CNTNAP5: variants seen among roughly 807,000 people sequenced by gnomAD.
CNTNAP5 encodes the protein contactin-associated protein-like 5.
CNTNAP5 carries 72 observed loss-of-function variants against 150.2 expected under a neutral mutation model. That is an observed-to-expected ratio of 0.48 (90% CI 0.40 to 0.58). The LOEUF is 0.58. CNTNAP5 is among the 20% of genes least tolerant of loss of function. The pLI is 0.00. For synonymous variants in CNTNAP5, 672 were observed against 619.8 expected, an observed-to-expected ratio of 1.08 and a Z score of -1.25; for missense variants, 1,636 against 1,626.2, an observed-to-expected ratio of 1.01 and a Z score of -0.10.
chr2:124,618,079 G>A (rs939997151), intron 12 of CNTNAP5, among the ~76,000 whole-genome samples: 2 of 152,160 alleles, frequency 1.3e-5, no homozygotes, highest in African/African-American at 4.8e-5. Flanking sequence ...TGACTGAACA[G>A]AAGAGAAAGG....
chr2:124,880,403 T>C (rs1481613639), intron 21 of CNTNAP5, among the ~76,000 whole-genome samples: 1 of 152,150 alleles, frequency 6.6e-6, no homozygotes, highest in Non-Finnish European at 1.5e-5. Flanking sequence ...ATTCTAGTTT[T>C]AGTTAATTCC....
At chr2:124,120,034 G>A (rs1389042023) in intron 1 of CNTNAP5, among the ~76,000 whole-genome samples, 2 of 152,120 alleles carry the variant, frequency 1.3e-5, no homozygotes, top group African/African-American at 4.8e-5. Context: ...TGGGCTTTGG[G>A]ATATTTAAAG....
At chr2:124,397,653 T>C (rs1355537701) in intron 3 of CNTNAP5, among the ~76,000 whole-genome samples, 2 of 152,222 alleles carry the variant, frequency 1.3e-5, no homozygotes, top group Non-Finnish European at 2.9e-5. Flanking sequence ...GAGTGTTTAA[T>C]ATATATGATT....
rs138817173 is a variant in CNTNAP5 at position 124,229,114 on chromosome 2, AGT to A, written c.187+7309_187+7310del. ...ATGTCTGCCCTATACCCAGGAAGAA[AGT>A]GTGCGTAACTGATCAGTTTGCCATA... is the stretch of plus-strand genomic sequence containing the variant. On this transcript the variant is annotated intron_variant, in intron 2 of 23. Coordinates refer to ENST00000682447, the MANE Select transcript of CNTNAP5 (RefSeq NM_001367498.1). 3.2e-3 allele frequency among the ~76,000 whole-genome samples: 481 copies of A among 152,276 alleles called. 3 individuals are homozygous for A. Among genetic ancestry groups the A allele is most frequent in the African/African-American group, 0.011 (456 of 41,554 alleles).
chr2:124,211,776 G>A (rs981360955), intron 1 of CNTNAP5, among the ~76,000 whole-genome samples: 1 of 152,142 alleles, frequency 6.6e-6, no homozygotes, highest in African/African-American at 2.4e-5. Context: ...AAGTTCCAGT[G>A]AGCAGAATGA....
At chr2:124,036,415 G>T (rs1315431150) in intron 1 of CNTNAP5, among the ~76,000 whole-genome samples, 1 of 152,002 alleles carries the variant, frequency 6.6e-6, no homozygotes, top group Non-Finnish European at 1.5e-5. Context: ...TTCAGATACT[G>T]CTCGCCCCTG....
chr2:124,459,494 A>G (rs1008473724), intron 6 of CNTNAP5, among the ~76,000 whole-genome samples: 4 of 152,054 alleles, frequency 2.6e-5, no homozygotes, highest in Admixed American at 2.0e-4. Context: ...CATGCTCCTA[A>G]TCCCAGCACT....
intron 1 of CNTNAP5, among the ~76,000 whole-genome samples, chr2:124,084,924 G>GTTTTGTTTTTTTTT (rs1553435818): frequency 1.3e-3 from 113 of 89,984 alleles, no homozygotes; most frequent in Middle Eastern, 0.016. Flanking sequence ...CAAGTTTCCT[G>GTTTTGTTTTTTTTT]TTTTTTTTTT....
intron 1 of CNTNAP5, among the ~76,000 whole-genome samples, chr2:124,174,494 A>T (rs1590150): frequency 0.77 from 117,239 of 152,004 alleles, 45,847 homozygotes; most frequent in Non-Finnish European, 0.8. Flanking sequence ...AATTTGAGAG[A>T]TTCAGCAGAG....
At chr2:124,497,777 C>G (rs1223516829) in intron 7 of CNTNAP5, among the ~76,000 whole-genome samples, 2 of 152,150 alleles carry the variant, frequency 1.3e-5, no homozygotes, top group Non-Finnish European at 2.9e-5. Flanking sequence ...GCTCCCTGTT[C>G]AATACATTTC....
At chr2:124,507,973 AG>A (rs1393762100) in intron 8 of CNTNAP5, among the ~76,000 whole-genome samples, 1 of 152,170 alleles carries the variant, frequency 6.6e-6, no homozygotes, top group Non-Finnish European at 1.5e-5. Context: ...TCTATTCCTT[AG>A]AAGCAGGTAA....
At chr2:124,729,073 C>A (rs1425975392) in intron 13 of CNTNAP5, among the ~76,000 whole-genome samples, 1 of 151,990 alleles carries the variant, frequency 6.6e-6, no homozygotes, top group Admixed American at 6.6e-5. Flanking sequence ...CTGGACCTTA[C>A]CAGGCCTTTT....
chr2:124,303,655 A>G (rs1214800356), intron 3 of CNTNAP5, among the ~76,000 whole-genome samples: 1 of 152,232 alleles, frequency 6.6e-6, no homozygotes, highest in Admixed American at 6.5e-5. Flanking sequence ...AAGGTTTAAA[A>G]GAGCAACTTA....
intron 1 of CNTNAP5, among the ~76,000 whole-genome samples, chr2:124,219,732 T>C (rs1686254819): frequency 6.6e-6 from 1 of 152,146 alleles, no homozygotes; most frequent in Admixed American, 6.6e-5. Flanking sequence ...TAAGTGATTA[T>C]TATATGTTTT....
At chr2:124,616,917 T>G (rs910029685) in intron 12 of CNTNAP5, among the ~76,000 whole-genome samples, 1 of 152,134 alleles carries the variant, frequency 6.6e-6, no homozygotes, top group Non-Finnish European at 1.5e-5. Flanking sequence ...GTGCAGTTCA[T>G]GATGCCCCAA....
intron 3 of CNTNAP5, among the ~76,000 whole-genome samples, chr2:124,397,614 A>T (rs1464211602): frequency 1.3e-5 from 2 of 152,218 alleles, no homozygotes; most frequent in South Asian, 2.1e-4. Flanking sequence ...CAATGATGTT[A>T]TGTTACTCTG....
At position 124,474,913 on chromosome 2, in the gene CNTNAP5, G is replaced by A. The variant is rs374323274; in HGVS notation, c.1062+31G>A. On this transcript the variant is annotated intron_variant, in intron 7 of 23. Coordinates refer to ENST00000682447, the MANE Select transcript of CNTNAP5 (RefSeq NM_001367498.1). ...TCAGCCCATCTGTTTTGTCTTGATG[G>A]TTTCTACCACTTTGGGGTAAGTCTT... 1.0e-4 allele frequency: 160 copies of A among 1,573,398 alleles called. No individual in the cohort carries two copies. In the African/African-American group the frequency reaches 1.7e-3, roughly 16 times the overall value.
chr2:124,844,367 C>T (rs1683004068), intron 19 of CNTNAP5, among the ~76,000 whole-genome samples: 1 of 152,070 alleles, frequency 6.6e-6, no homozygotes, highest in Non-Finnish European at 1.5e-5. Flanking sequence ...TTCCATTAGT[C>T]TATGTGCCTA....
intron 3 of CNTNAP5, among the ~76,000 whole-genome samples, chr2:124,288,300 G>A (rs1030207775): frequency 5.3e-5 from 8 of 152,144 alleles, no homozygotes; most frequent in African/African-American, 1.9e-4. Flanking sequence ...CTTTTTAGAA[G>A]TATTCACCAT....
Sources: gnomAD v4.1 joint callset for allele counts (sites outside exome capture counted in the v4.1 genomes callset) on GRCh38, gnomAD v4.1.1 for gene constraint, MANE v1.5 for transcripts, NCBI Gene and HGNC (gene_info 2026-07-23, HGNC 2026-07-21) for gene names.